Variants in SPCS3 observed in about 807,000 individuals in gnomAD.
The protein encoded by SPCS3 is SPase 22 kDa subunit.
SPCS3 carries 9 observed loss-of-function variants against 17.2 expected under a neutral mutation model. The observed-to-expected ratio is 0.52, with a 90% CI of 0.31 to 0.91. The LOEUF is 0.91. Ranked by LOEUF, SPCS3 falls within the 40% of genes least tolerant of loss-of-function variation. The pLI is 0.04. For missense variants in SPCS3, 139 were observed against 217.5 expected (o/e 0.64, Z 2.27); for synonymous variants, 87 against 89.6 (o/e 0.97, Z 0.16).
In SPCS3 at chr4:176,329,786, C is replaced by G. The variant is rs1337050145; in HGVS notation, c.*1456C>G. The G allele has an allele frequency of 6.6e-6, 1 of 152,004 alleles. No homozygotes were observed. The highest frequency in any genetic ancestry group is 1.5e-5 in the Non-Finnish European group (1 of 67,964). The allele number at this position is 152,004 out of a possible 1,614,324, so 9.4% of individuals were successfully genotyped here. A position where few individuals can be genotyped will look rare whatever the true frequency, so the allele number is the denominator to read the frequency against. On this transcript the variant is annotated 3_prime_UTR_variant, in exon 5 of 5. Coordinates refer to ENST00000503362, the MANE Select transcript of SPCS3 (RefSeq NM_021928.4). Reference sequence around the variant, plus strand: ...AAAGCAAGACCAAACACTGTAGTTACACTATTAGCAGTGACCAAAAAGGGC... The same window carrying G: ...AAAGCAAGACCAAACACTGTAGTTAGACTATTAGCAGTGACCAAAAAGGGC...
rs529685214 is a variant in SPCS3 at position 176,329,747 on chromosome 4, C to T, written c.*1417C>T. ...CATCCTCAAAGTAGCAACTGCAAAT[C>T]AGTTACCCTTAGAAAAGCAAGACCA... On this transcript the variant is annotated 3_prime_UTR_variant, in exon 5 of 5. Coordinates refer to ENST00000503362, the MANE Select transcript of SPCS3 (RefSeq NM_021928.4). 5.3e-5 allele frequency: 8 copies of T among 151,868 alleles called. No individual in the cohort carries two copies. Among genetic ancestry groups the T allele is most frequent in the African/African-American group, 1.9e-4 (8 of 41,392 alleles). The allele number at this position is 151,868 out of a possible 1,614,324, so 9.4% of individuals were successfully genotyped here.
Position 176,329,479 on chromosome 4 carries a change from C to T in SPCS3, c.*1149C>T, listed in dbSNP as rs879020720. The T allele has an allele frequency of 2.6e-5, 4 of 152,018 alleles. No individual in the cohort carries two copies. The South Asian group carries it at 8.3e-4, about 32-fold the overall frequency. 9.4% of individuals were successfully genotyped at this position (152,018 alleles called of 1,614,324 possible). On this transcript the variant is annotated 3_prime_UTR_variant, in exon 5 of 5. Transcript: ENST00000503362. ...AAAACCTTCCTGATATTTTTGTTAC[C>T]CTGGACACCCTTTCTATTCTAGAAA...
At chr4:176,328,109 A>T in intron 4 of SPCS3, 89 bp from the exon 5 acceptor site, 1 of 1,186,726 alleles carries the variant, frequency 8.4e-7, no homozygotes. Flanking sequence ...GGTTATAAAT[A>T]AAGTATTTGA....
At chr4:176,328,131 T>A (rs1731632895) in intron 4 of SPCS3, 67 bp from the exon 5 acceptor site, 3 of 1,470,094 alleles carry the variant, frequency 2.0e-6, no homozygotes, top group Admixed American at 4.0e-5. Context: ...ATCTCAGTGT[T>A]TGTCTTAAAA....
chr4:176,325,699 T>C (rs1275794564), intron 3 of SPCS3, among the ~76,000 whole-genome samples: 1 of 152,166 alleles, frequency 6.6e-6, no homozygotes, highest in Non-Finnish European at 1.5e-5. Flanking sequence ...TTCATTAATC[T>C]GAGTATCTGA....
Position 176,322,124 on chromosome 4 carries a change from G to A in SPCS3, c.144-46G>A, listed in dbSNP as rs538480059. 2.2e-5 allele frequency: 28 copies of A among 1,249,998 alleles called. No individual in the cohort carries two copies. The African/African-American group carries it at 3.6e-4, about 16-fold the overall frequency. 77.4% of individuals were successfully genotyped at this position (1,249,998 alleles called of 1,614,324 possible). A position where few individuals can be genotyped will look rare whatever the true frequency, so the allele number is the denominator to read the frequency against. On this transcript the variant is annotated intron_variant, in intron 1 of 4. Transcript: ENST00000503362. ...CTCTTTAAGAAGTTACGTGAATTGT[G>A]TATGTTCTGTTGGAAGGATGGTAAA...
rs1731676061 is a variant in SPCS3, at chr4:176,330,791, A to G, written c.*2461A>G. ...ATGATTAGAAATACCTGAGCCCAGA[A>G]ATGATTCTGAGAAAAGAGAATAATT... On this transcript the variant is annotated 3_prime_UTR_variant, in exon 5 of 5. Coordinates refer to ENST00000503362, the MANE Select transcript of SPCS3 (RefSeq NM_021928.4). 1 of 152,230 alleles carries G rather than the reference A, an allele frequency of 6.6e-6. No individual in the cohort carries two copies. Among genetic ancestry groups the G allele is most frequent in the African/African-American group, 2.4e-5 (1 of 41,466 alleles). The allele number at this position is 152,230 out of a possible 1,614,324, so 9.4% of individuals were successfully genotyped here.
chr4:176,323,885 C>G (rs1731569751), intron 2 of SPCS3, among the ~76,000 whole-genome samples: 1 of 150,384 alleles, frequency 6.6e-6, no homozygotes, highest in African/African-American at 2.4e-5. Context: ...TACAGAAAAC[C>G]AAATTTTGGA....
chr4:176,322,124 G>C, intron 1 of SPCS3, 46 bp from the exon 2 acceptor site: 1 of 1,250,000 alleles, frequency 8.0e-7, no homozygotes. Context: ...CGTGAATTGT[G>C]TATGTTCTGT....
chr4:176,320,363 G>A, intron 1 of SPCS3, 144 bp downstream of exon 1: 1 of 747,394 alleles, frequency 1.3e-6, no homozygotes. Context: ...TCGCCCCCGA[G>A]GGCGGTCGTC....
chr4:176,323,665 G>A (rs1323855258), intron 2 of SPCS3, among the ~76,000 whole-genome samples: 5 of 152,124 alleles, frequency 3.3e-5, no homozygotes, highest in Non-Finnish European at 7.4e-5. Context: ...GGTGTCATTT[G>A]CATCTTTGAG....
chr4:176,327,501 T>A, intron 4 of SPCS3: 1 of 330,058 alleles, frequency 3.0e-6, no homozygotes, highest in Non-Finnish European at 5.7e-6. Context: ...TAATAAAGCT[T>A]CTATCCTAAG....
chr4:176,324,187 A>G lies in SPCS3; in HGVS notation c.224A>G (p.Glu75Gly), dbSNP rs1303344295. 8.6e-7 allele frequency: 1 copy of G among 1,161,372 alleles called. No homozygotes were observed. The highest frequency in any genetic ancestry group is 1.2e-6 in the Non-Finnish European group (1 of 844,792). 71.9% of individuals were successfully genotyped at this position (1,161,372 alleles called of 1,614,324 possible). A position where few individuals can be genotyped will look rare whatever the true frequency, so the allele number is the denominator to read the frequency against. Reference sequence around the variant, plus strand: ...TTTTCCTTAATTTACTTACATCTAGAGAATATATTTGATTGGAATGTTAAG... The same window carrying G: ...TTTTCCTTAATTTACTTACATCTAGGGAATATATTTGATTGGAATGTTAAG... Reference protein sequence around the residue: ...FITFDITADLENIFDWNVKQL... With the variant: ...FITFDITADLGNIFDWNVKQL... The change falls in exon 3 of 5, where the codon GAG becomes GGG. Residue 75 changes from glutamate (E) to glycine (G), a missense_variant. Glu to Gly is a moderately conservative substitution (Grantham distance 98). Coordinates refer to ENST00000503362, the MANE Select transcript of SPCS3 (RefSeq NM_021928.4).
chr4:176,329,703 T>C lies in SPCS3; in HGVS notation c.*1373T>C, dbSNP rs1446960153. Reference sequence around the variant, plus strand: ...GATCGTATTTAACATGTTTTTTTTTTCTGCAGTGGACAAATAAACATCCTC... The same window carrying C: ...GATCGTATTTAACATGTTTTTTTTTCCTGCAGTGGACAAATAAACATCCTC... On this transcript the variant is annotated 3_prime_UTR_variant, in exon 5 of 5. Coordinates refer to ENST00000503362, the MANE Select transcript of SPCS3 (RefSeq NM_021928.4). 3 of 152,132 alleles carry C rather than the reference T, an allele frequency of 2.0e-5. No homozygotes were observed. Among genetic ancestry groups the C allele is most frequent in the Admixed American group, 2.0e-4 (3 of 15,284 alleles). 9.4% of individuals were successfully genotyped at this position (152,132 alleles called of 1,614,324 possible).
Position 176,325,052 on chromosome 4 carries a change from C to CTT in SPCS3, c.294+810_294+811dup, listed in dbSNP as rs55912158. Among the ~76,000 whole-genome samples the CTT allele has an allele frequency of 9.8e-4, 121 of 123,866 alleles. 1 individual carries two copies. Among genetic ancestry groups the CTT allele is most frequent in the African/African-American group, 3.2e-3 (105 of 32,826 alleles). The allele number at this position is 123,866 out of a possible 152,430, so 81.3% of individuals were successfully genotyped here. ...CTCAGCTGTTTCCTTTTTTTTTTTA[C>CTT]TTTTTTTTTTTTTTTTAAGACAGAG... On this transcript the variant is annotated intron_variant, in intron 3 of 4. Coordinates refer to ENST00000503362, the MANE Select transcript of SPCS3 (RefSeq NM_021928.4).
In SPCS3 at chr4:176,327,200, G is replaced by T; in HGVS notation, c.333G>T (p.Leu111Phe). The stretch of plus-strand genomic sequence containing the variant: ...TTGTCCTATGGGACAAGATTGTTTT[G>T]AGAGGTGATAATCCGAAGCTGCTGC... ...NQVVLWDKIV[L>F]RGDNPKLLLK... Residue 111 changes from leucine to phenylalanine, a missense_variant, in exon 4 of 5, where the codon TTG (leucine) becomes TTT (phenylalanine). By Grantham distance (22) the Leu-to-Phe change is conservative. Coordinates refer to ENST00000503362, the MANE Select transcript of SPCS3 (RefSeq NM_021928.4). 6.3e-7 allele frequency: 1 copy of T among 1,595,222 alleles called. No individual in the cohort carries two copies. Among genetic ancestry groups the T allele is most frequent in the South Asian group, 1.2e-5 (1 of 86,950 alleles).
chr4:176,321,566 TCCTATA>T (rs1023791974), intron 1 of SPCS3: 1 of 152,286 alleles, frequency 6.6e-6, no homozygotes, highest in Non-Finnish European at 1.5e-5. Context: ...CTTGGTTTTT[TCCTATA>T]CCGTACATAC....
chr4:176,323,172 A>G (rs946841638), intron 2 of SPCS3, among the ~76,000 whole-genome samples: 12 of 152,170 alleles, frequency 7.9e-5, no homozygotes, highest in African/African-American at 2.9e-4. Context: ...AGAGTGTACC[A>G]TCGGAAGAGT....
At chr4:176,326,023 G>A (rs1408608634) in intron 3 of SPCS3, among the ~76,000 whole-genome samples, 1 of 151,990 alleles carries the variant, frequency 6.6e-6, no homozygotes, top group African/African-American at 2.4e-5. Flanking sequence ...GTTCAGGCCG[G>A]GCACAGTGGC....
Sources: allele counts gnomAD v4.1 joint callset (sites outside exome capture counted in the v4.1 genomes callset), GRCh38; gene constraint gnomAD v4.1.1; transcripts MANE v1.5; gene names NCBI Gene and HGNC (gene_info 2026-07-23, HGNC 2026-07-21).